Variants in YME1L1 observed in about 807,000 individuals in gnomAD.
YME1L1 encodes the protein ATP-dependent zinc metalloprotease YME1L1.
A neutral mutation model predicts 90.4 loss-of-function variants in YME1L1; 39 were observed. The ratio of observed to expected loss-of-function variants is 0.43; its 90% CI spans 0.33 to 0.56. The LOEUF (loss-of-function observed/expected upper bound fraction) is 0.56, where lower values mean the gene tolerates loss of function less well. Among genes scored for constraint, YME1L1 ranks in the 20% least tolerant of loss-of-function variants. YME1L1 has a pLI of 0.03. For missense variants in YME1L1, 617 were observed against 868.4 expected (o/e 0.71, Z 3.64); for synonymous variants, 284 against 287.3 (o/e 0.99, Z 0.12).
At chr10:27,145,614 G>T (rs774698686) in intron 2 of YME1L1, 24 bp from the exon 3 acceptor site, 1 of 1,587,644 alleles carries the variant, frequency 6.3e-7, no homozygotes, top group South Asian at 1.1e-5. Context: ...GGTCAACCAG[G>T]TATGCATTAA....
In YME1L1 at chr10:27,111,863, A is replaced by C; in HGVS notation, c.*114T>G. 1 of 1,344,484 alleles carries C rather than the reference A, an allele frequency of 7.4e-7. No individual in the cohort carries two copies. 83.3% of individuals were successfully genotyped at this position (1,344,484 alleles called of 1,614,324 possible). The stretch of plus-strand genomic sequence containing the variant: ...ACAAATGATTGACAAAGCATTTCAC[A>C]CCCTTCAATTACACCACATCAAGAA... On this transcript the variant is annotated 3_prime_UTR_variant, in exon 19 of 19. Transcript: ENST00000376016.
Position 27,122,890 on chromosome 10 carries a change from G to T in YME1L1, c.1186C>A (p.His396Asn). 1 of 1,613,490 alleles carries T rather than the reference G, an allele frequency of 6.2e-7. No individual in the cohort carries two copies. Residue 396 changes from histidine (H) to asparagine (N), a missense_variant, in exon 11 of 19, where the codon CAT (histidine) becomes AAT (asparagine). His to Asn is a moderately conservative substitution (Grantham distance 68, BLOSUM62 1). This residue lies in a region of YME1L1 where 93 missense variants were observed against 184.8 expected (regional missense o/e 0.50). Transcript: ENST00000376016. ...VGGKRIESPMHPYSRQTINQL... is the reference protein window; with the variant it reads ...VGGKRIESPMNPYSRQTINQL... The stretch of plus-strand genomic sequence containing the variant: ...TTTATGGTCTGCCTTGAATATGGAT[G>T]CATTGGAGATTCAATTCTCTTCCCA...
chr10:27,150,325 A>G (rs1333440722), intron 1 of YME1L1, among the ~76,000 whole-genome samples: 1 of 152,190 alleles, frequency 6.6e-6, no homozygotes, highest in Non-Finnish European at 1.5e-5. Context: ...TCAAACAGCT[A>G]TAATAATGAG....
At chr10:27,151,949 G>T (rs2057224569) in intron 1 of YME1L1, among the ~76,000 whole-genome samples, 1 of 151,822 alleles carries the variant, frequency 6.6e-6, no homozygotes, top group Non-Finnish European at 1.5e-5. Context: ...AAAAATGTGT[G>T]AAAGAATTTA....
intron 9 of YME1L1, among the ~76,000 whole-genome samples, chr10:27,125,470 A>AC (rs1288217328): frequency 8.0e-5 from 12 of 150,934 alleles, no homozygotes; most frequent in Non-Finnish European, 1.2e-4. Context: ...AAAAAAAAAA[A>AC]AAAAAAACAA....
intron 15 of YME1L1, among the ~76,000 whole-genome samples, chr10:27,116,718 A>G (rs2056816770): frequency 6.6e-6 from 1 of 151,952 alleles, no homozygotes; most frequent in African/African-American, 2.4e-5. Flanking sequence ...AAAATAAAAT[A>G]AAATGTAATG....
chr10:27,126,563 A>G, intron 9 of YME1L1, 133 bp downstream of exon 9: 2 of 545,888 alleles, frequency 3.7e-6, no homozygotes, highest in Non-Finnish European at 6.4e-6. Context: ...CAGAATGAAC[A>G]TCTATTTTGT....
intron 1 of YME1L1, among the ~76,000 whole-genome samples, chr10:27,150,796 G>T (rs1312729908): frequency 6.6e-6 from 1 of 152,124 alleles, no homozygotes; most frequent in African/African-American, 2.4e-5. Context: ...ATAAAATCAA[G>T]AAATAACTAA....
Position 27,123,687 on chromosome 10 carries a change from A to G in YME1L1, c.962T>C (p.Val321Ala), listed in dbSNP as rs202145096. 26 of 1,597,012 alleles carry G rather than the reference A, an allele frequency of 1.6e-5. No homozygotes were observed. The Admixed American group carries it at 1.8e-4, about 11-fold the overall frequency. The change falls in exon 10 of 19, where the codon GTT (valine) becomes GCT (alanine). Residue 321 changes from valine (V) to alanine (A), a missense_variant. This residue lies in a region of YME1L1 where 93 missense variants were observed against 184.8 expected (regional missense o/e 0.50). Transcript: ENST00000376016. ...TGTCTTTCCAGTCCCTGGGGGTCCA[A>G]CTAAAAGAATTCCTAAAAGAAAATG... is the stretch of plus-strand genomic sequence containing the variant. ...GGKLPKGILL[V>A]GPPGTGKTLL...
intron 4 of YME1L1, among the ~76,000 whole-genome samples, chr10:27,140,712 T>C (rs12769335): frequency 0.24 from 36,617 of 151,636 alleles, 4,965 homozygotes; most frequent in East Asian, 0.56. Context: ...CTTCTGACCT[T>C]GTGATCCACC....
chr10:27,116,528 T>C lies in YME1L1; in HGVS notation c.1720-183A>G, dbSNP rs1158661356. 3.9e-5 allele frequency among the ~76,000 whole-genome samples: 6 copies of C among 152,050 alleles called. No individual in the cohort carries two copies. In the East Asian group the frequency reaches 7.8e-4, roughly 20 times the overall value. ...CTAAAAATACAAAATTAGGCAGGCA[T>C]GGTGGTGCATGGCTATAATCCCAAC... On this transcript the variant is annotated intron_variant, in intron 15 of 18. Coordinates refer to ENST00000376016, the MANE Select transcript of YME1L1 (RefSeq NM_014263.4).
chr10:27,134,597 T>C (rs1484590123), intron 6 of YME1L1, among the ~76,000 whole-genome samples: 1 of 152,160 alleles, frequency 6.6e-6, no homozygotes, highest in Admixed American at 6.5e-5. Flanking sequence ...AAACAAAAAA[T>C]AAAGAAACAA....
chr10:27,147,269 G>A, intron 2 of YME1L1: 2 of 677,934 alleles, frequency 3.0e-6, no homozygotes, highest in East Asian at 2.7e-5. Context: ...TGAGGTGGGA[G>A]GACTGCTTCA....
Position 27,136,402 on chromosome 10 carries a change from C to CTGAAAACTAA in YME1L1, c.431-18_431-17insTTAGTTTTCA. ...GTATGAAAACTAAATAAAACAATAC[C>CTGAAAACTAA]ATTCACTGTCACTATAAATTGTTAC... On this transcript the variant is annotated splice_polypyrimidine_tract_variant and intron_variant, in intron 4 of 18. Transcript: ENST00000376016. 1 of 1,578,266 alleles carries CTGAAAACTAA rather than the reference C, an allele frequency of 6.3e-7. No individual in the cohort carries two copies. Among genetic ancestry groups the CTGAAAACTAA allele is most frequent in the Non-Finnish European group, 8.7e-7 (1 of 1,151,994 alleles).
chr10:27,139,598 T>C (rs553431368), intron 4 of YME1L1, among the ~76,000 whole-genome samples: 55 of 152,302 alleles, frequency 3.6e-4, no homozygotes, highest in Non-Finnish European at 6.2e-4. Flanking sequence ...GCCATAAAAA[T>C]TATCTGAACC....
intron 8 of YME1L1, among the ~76,000 whole-genome samples, chr10:27,128,900 C>T (rs2056948034): frequency 6.6e-6 from 1 of 151,492 alleles, no homozygotes; most frequent in Non-Finnish European, 1.5e-5. Context: ...TAGAGCCAGA[C>T]CCTGTCTAGA....
rs2056748764 is a variant in YME1L1 at position 27,110,490 on chromosome 10, CG to C, written c.*1486del. 1 of 152,092 alleles carries C rather than the reference CG, an allele frequency of 6.6e-6. No homozygotes were observed. The highest frequency in any genetic ancestry group is 1.5e-5 in the Non-Finnish European group (1 of 68,024). 9.4% of individuals were successfully genotyped at this position (152,092 alleles called of 1,614,324 possible). On this transcript the variant is annotated 3_prime_UTR_variant, in exon 19 of 19. Coordinates refer to ENST00000376016, the MANE Select transcript of YME1L1 (RefSeq NM_014263.4). Reference sequence around the variant, plus strand: ...TTGTAGATAATTTTAATGAAGTCAACGTCAAGAATATAATCTGGTTGTAATA... The same window carrying C: ...TTGTAGATAATTTTAATGAAGTCAACTCAAGAATATAATCTGGTTGTAATA...
At chr10:27,143,438 G>C (rs1227846331) in intron 3 of YME1L1, among the ~76,000 whole-genome samples, 1 of 151,862 alleles carries the variant, frequency 6.6e-6, no homozygotes. Flanking sequence ...GGTGCCTCAC[G>C]CCTGTAATCC....
chr10:27,136,939 A>G (rs1485058520), intron 4 of YME1L1, among the ~76,000 whole-genome samples: 1 of 151,142 alleles, frequency 6.6e-6, no homozygotes, highest in Non-Finnish European at 1.5e-5. Flanking sequence ...TTATGTTGAT[A>G]GGGGATAAAG....
Sources: allele counts gnomAD v4.1 joint callset (sites outside exome capture counted in the v4.1 genomes callset), GRCh38; gene constraint gnomAD v4.1.1; regional missense constraint gnomAD v4.1.1; transcripts MANE v1.5; gene names NCBI Gene and HGNC (gene_info 2026-07-23, HGNC 2026-07-21).